CD248: variants seen among roughly 807,000 people sequenced by gnomAD.
CD248 encodes CD248 molecule.
CD248 carries 7 observed loss-of-function variants against 8.0 expected under a neutral mutation model. That is an observed-to-expected ratio of 0.88 (90% confidence interval 0.50 to 1.64). The LOEUF (loss-of-function observed/expected upper bound fraction) is 1.64, where lower values mean the gene tolerates loss of function less well. Among genes scored for constraint, CD248 ranks in the 40% most tolerant of loss-of-function variants. CD248 has a pLI of 0.00. For synonymous variants in CD248, 418 were observed against 437.1 expected (o/e 0.96, Z 0.54); for missense variants, 912 against 1,027.2 (o/e 0.89, Z 1.53).
Position 66,315,735 on chromosome 11 carries a change from G to C in CD248, c.1293C>G (p.Pro431=), listed in dbSNP as rs1359954574. 6.2e-7 allele frequency: 1 copy of C among 1,610,954 alleles called. No homozygotes were observed. The highest frequency in any genetic ancestry group is 1.7e-5 in the Admixed American group (1 of 59,932). ...QIPYPEPTWP[P]PLSAPRVPYH... ...AGGGGACCCTGGGGGCACTGAGCGG[G>C]GGTGGCCAGGTGGGCTCCGGGTAGG... The change falls in exon 1 of 1, where the codon CCC becomes CCG. Residue 431 remains proline, a synonymous_variant. Transcript: ENST00000311330. The surrounding 1 kb of genome is among the most constrained non-coding windows in gnomAD (Gnocchi z 4.3).
At position 66,316,721 on chromosome 11, in the gene CD248, A is replaced by G; in HGVS notation, c.307T>C (p.Phe103Leu). Residue 103 changes from phenylalanine to leucine, a missense_variant, in exon 1 of 1, where the codon TTC becomes CTC. Coordinates refer to ENST00000311330, the MANE Select transcript of CD248 (RefSeq NM_020404.3). Reference sequence around the variant, plus strand: ...TCCTGGTCCCCTGTGGTCCACGTGAAGCCGCGCAGTGGGCGCTGCAGCTGG... The same window carrying G: ...TCCTGGTCCCCTGTGGTCCACGTGAGGCCGCGCAGTGGGCGCTGCAGCTGG... ...QCQLQRPLRG[F>L]TWTTGDQDTA... is the part of the protein sequence containing the mutation. The G allele has an allele frequency of 1.2e-6, 2 of 1,605,448 alleles. No homozygotes were observed. The highest frequency in any genetic ancestry group is 2.7e-5 in the African/African-American group (2 of 74,986).
Position 66,315,521 on chromosome 11 carries a change from CAG to C in CD248, c.1505_1506del (p.Ser502CysfsTer51), listed in dbSNP as rs1353458855. The C allele has an allele frequency of 6.2e-7, 1 of 1,613,916 alleles. No individual in the cohort carries two copies. The highest frequency in any genetic ancestry group is 1.1e-5 in the South Asian group (1 of 91,068). The part of the protein sequence containing the change: ...LPSAYQPGIL[S>X]VSHSAQPPAH... ...GCAGGAGGCTGTGCTGAATGAGAGA[CAG>C]AGAGAATACCGGGTTGGTAGGCAGA... On this transcript the variant is annotated frameshift_variant, in exon 1 of 1. Transcript: ENST00000311330. LOFTEE classifies it low-confidence loss of function (END_TRUNC). This position sits in a 1 kb window ranked among gnomAD's most constrained non-coding sequence, Gnocchi z 4.3.
In CD248 at chr11:66,316,869, C is replaced by G. The variant is rs749572714; in HGVS notation, c.159G>C (p.Glu53Asp). 4.7e-5 allele frequency: 72 copies of G among 1,547,028 alleles called. No individual in the cohort carries two copies. The African/African-American group carries it at 9.2e-4, about 20-fold the overall frequency. ...TFLEAWRACR[E>D]LGGDLATPRT... ...GAGGAGTGGCCAGGTCGCCCCCCAG[C>G]TCGCGGCAGGCCCGCCAGGCCTCCA... The change falls in exon 1 of 1, where the codon GAG (glutamate) becomes GAC (aspartate). Residue 53 changes from glutamate (E) to aspartate (D), a missense_variant. Transcript: ENST00000311330.
chr11:66,315,401 T>C lies in CD248; in HGVS notation c.1627A>G (p.Thr543Ala). Residue 543 changes from threonine to alanine, a missense_variant, in exon 1 of 1, where the codon ACC (threonine) becomes GCC (alanine). Physicochemically the swap from Thr to Ala is moderately conservative, Grantham distance 58 (BLOSUM62 0). Coordinates refer to ENST00000311330, the MANE Select transcript of CD248 (RefSeq NM_020404.3). The surrounding 1 kb of genome is among the most constrained non-coding windows in gnomAD (Gnocchi z 4.3). ...GGGATTCCAGGCAAATGAGTGGTGG[T>C]CTGGGTGCCAGCGACCCGGGTGTCT... The part of the protein sequence containing the change: ...FPDTRVAGTQ[T>A]TTHLPGIPPN... The C allele has an allele frequency of 1.2e-6, 2 of 1,611,688 alleles. No individual in the cohort carries two copies. Among genetic ancestry groups the C allele is most frequent in the Non-Finnish European group, 1.7e-6 (2 of 1,178,626 alleles).
In CD248 at chr11:66,315,747, G is replaced by A. The variant is rs773720445; in HGVS notation, c.1281C>T (p.Pro427=). ...DREPQIPYPE[P]TWPPPLSAPR... Reference sequence around the variant, plus strand: ...GGGCACTGAGCGGGGGTGGCCAGGTGGGCTCCGGGTAGGGTATCTGTGGCT... The same window carrying A: ...GGGCACTGAGCGGGGGTGGCCAGGTAGGCTCCGGGTAGGGTATCTGTGGCT... Residue 427 remains proline, a synonymous_variant, in exon 1 of 1, where the codon CCC becomes CCT. Coordinates refer to ENST00000311330, the MANE Select transcript of CD248 (RefSeq NM_020404.3). This position sits in a 1 kb window ranked among gnomAD's most constrained non-coding sequence, Gnocchi z 4.3. 5 of 1,610,872 alleles carry A rather than the reference G, an allele frequency of 3.1e-6. No homozygotes were observed. The highest frequency in any genetic ancestry group is 2.2e-5 in the East Asian group (1 of 44,820).
rs912506291 is a variant in CD248, at chr11:66,316,755, G to C, written c.273C>G (p.Ala91=). The C allele has an allele frequency of 6.2e-7, 1 of 1,600,400 alleles. No homozygotes were observed. The highest frequency in any genetic ancestry group is 8.5e-7 in the Non-Finnish European group (1 of 1,179,020). Residue 91 remains alanine, a synonymous_variant, in exon 1 of 1, where the codon GCC becomes GCG. Transcript: ENST00000311330. ...GTGGGCGCTGCAGCTGGCATTGCCGGGCCTGCCGCTGCAGCCCGATCCACA... is the reference window on the plus strand; with the variant it reads ...GTGGGCGCTGCAGCTGGCATTGCCGCGCCTGCCGCTGCAGCCCGATCCACA... The part of the protein sequence containing the change: ...RLLWIGLQRQ[A]RQCQLQRPLR...
chr11:66,316,374 C>T lies in CD248; in HGVS notation c.654G>A (p.Glu218=). The change falls in exon 1 of 1, where the codon GAG becomes GAA. Residue 218 remains glutamate (E), a synonymous_variant. Transcript: ENST00000311330. Reference sequence around the variant, plus strand: ...CAGCCCGTGACCAGCCCACACCTCCCTCAGGCTGCTTCACGCAGAGCAGAG... The same window carrying T: ...CAGCCCGTGACCAGCCCACACCTCCTTCAGGCTGCTTCACGCAGAGCAGAG... ...GASLLCVKQP[E]GGVGWSRAGP... 1.2e-6 allele frequency: 2 copies of T among 1,611,358 alleles called. No individual in the cohort carries two copies. Among genetic ancestry groups the T allele is most frequent in the Non-Finnish European group, 1.7e-6 (2 of 1,179,914 alleles).
rs984825044 is a variant in CD248, at chr11:66,315,410, C to G, written c.1618G>C (p.Gly540Arg). The change falls in exon 1 of 1, where the codon GGC becomes CGC. Residue 540 changes from glycine to arginine, a missense_variant. By Grantham distance (125) the Gly-to-Arg change is moderately radical (BLOSUM62 -2). Transcript: ENST00000311330. The surrounding 1 kb of genome is among the most constrained non-coding windows in gnomAD (Gnocchi z 4.3). ...SPMFPDTRVA[G>R]TQTTTHLPGI... Reference sequence around the variant, plus strand: ...GGCAAATGAGTGGTGGTCTGGGTGCCAGCGACCCGGGTGTCTGGAAACATG... The same window carrying G: ...GGCAAATGAGTGGTGGTCTGGGTGCGAGCGACCCGGGTGTCTGGAAACATG... 3.7e-6 allele frequency: 6 copies of G among 1,612,222 alleles called. No individual in the cohort carries two copies. Among genetic ancestry groups the G allele is most frequent in the Non-Finnish European group, 5.1e-6 (6 of 1,178,944 alleles).
Position 66,314,534 on chromosome 11 carries a change from C to T in CD248, c.*220G>A, listed in dbSNP as rs1012821685. 5.9e-5 allele frequency: 31 copies of T among 525,454 alleles called. No homozygotes were observed. The highest frequency in any genetic ancestry group is 2.8e-4 in the Admixed American group (9 of 32,548). The allele number at this position is 525,454 out of a possible 1,614,324, so 32.5% of individuals were successfully genotyped here. ...ATTTATTGGAGAAGACCCCAGCACC[C>T]GCCCCCTGAGGTCTTAAGGGCTTTG... is the stretch of plus-strand genomic sequence containing the variant. On this transcript the variant is annotated 3_prime_UTR_variant, in exon 1 of 1. Transcript: ENST00000311330. This position sits in a 1 kb window ranked among gnomAD's most constrained non-coding sequence, Gnocchi z 4.0.
At position 66,315,917 on chromosome 11, in the gene CD248, C is replaced by T; in HGVS notation, c.1111G>A (p.Asp371Asn). The T allele has an allele frequency of 6.2e-7, 1 of 1,613,534 alleles. No homozygotes were observed. The highest frequency in any genetic ancestry group is 8.5e-7 in the Non-Finnish European group (1 of 1,180,018). Residue 371 changes from aspartate to asparagine, a missense_variant, in exon 1 of 1, where the codon GAC (aspartate) becomes AAC (asparagine). Coordinates refer to ENST00000311330, the MANE Select transcript of CD248 (RefSeq NM_020404.3). This position sits in a 1 kb window ranked among gnomAD's most constrained non-coding sequence, Gnocchi z 4.3. Reference protein sequence around the residue: ...SQDLGDELLDDGEDEEDEDEA... With the variant: ...SQDLGDELLDNGEDEEDEDEA... ...TCTTCATCTTCCTCATCCTCCCCGT[C>T]ATCCAGCAACTCATCTCCGAGGTCC...
chr11:66,316,504 C>T lies in CD248; in HGVS notation c.524G>A (p.Gly175Asp), dbSNP rs1262992200. 1.9e-6 allele frequency: 3 copies of T among 1,595,012 alleles called. No homozygotes were observed. Among genetic ancestry groups the T allele is most frequent in the Non-Finnish European group, 1.7e-6 (2 of 1,178,008 alleles). Residue 175 changes from glycine (G) to aspartate (D), a missense_variant, in exon 1 of 1, where the codon GGC becomes GAC. Transcript: ENST00000311330. ...PALQDEAGQA[G>D]PAVYTTPFHL... is the part of the protein sequence containing the mutation. The stretch of plus-strand genomic sequence containing the variant: ...GAAGGGCGTGGTATACACGGCTGGG[C>T]CGGCCTGGCCCGCCTCATCTTGCAG...
Position 66,315,404 on chromosome 11 carries a change from G to A in CD248, c.1624C>T (p.Gln542Ter). ...ATTCCAGGCAAATGAGTGGTGGTCT[G>A]GGTGCCAGCGACCCGGGTGTCTGGA... ...MFPDTRVAGT[Q>*]TTTHLPGIPP... The change falls in exon 1 of 1, where the codon CAG (glutamine) becomes TAG (stop). Residue 542 changes from glutamine to a stop codon, truncating the protein, a stop_gained. Transcript: ENST00000311330. LOFTEE classifies it low-confidence loss of function (END_TRUNC). The surrounding 1 kb of genome is among the most constrained non-coding windows in gnomAD (Gnocchi z 4.3). 1 of 1,612,496 alleles carries A rather than the reference G, an allele frequency of 6.2e-7. No individual in the cohort carries two copies. The highest frequency in any genetic ancestry group is 8.5e-7 in the Non-Finnish European group (1 of 1,178,924).
chr11:66,314,545 G>A lies in CD248; in HGVS notation c.*209C>T, dbSNP rs1854520222. ...AAGACCCCAGCACCCGCCCCCTGAG[G>A]TCTTAAGGGCTTTGGTGTATCCTTG... On this transcript the variant is annotated 3_prime_UTR_variant, in exon 1 of 1. Transcript: ENST00000311330. The surrounding 1 kb of genome is among the most constrained non-coding windows in gnomAD (Gnocchi z 4.0). The A allele has an allele frequency of 3.6e-6, 2 of 552,466 alleles. No individual in the cohort carries two copies. Among genetic ancestry groups the A allele is most frequent in the African/African-American group, 3.7e-5 (2 of 53,408 alleles). 34.2% of individuals were successfully genotyped at this position (552,466 alleles called of 1,614,324 possible).
Position 66,316,979 on chromosome 11 carries a change from C to T in CD248, c.49G>A (p.Gly17Ser). ...LAWAAAGPTL[G>S]QDPWAAEPRA... ...GGCTCAGCAGCCCAGGGGTCCTGGC[C>T]CAGTGTGGGCCCTGCGGCCGCCCAG... The change falls in exon 1 of 1, where the codon GGC (glycine) becomes AGC (serine). Residue 17 changes from glycine to serine, a missense_variant. Gly to Ser is a moderately conservative substitution (Grantham distance 56, BLOSUM62 0). Coordinates refer to ENST00000311330, the MANE Select transcript of CD248 (RefSeq NM_020404.3). 2.6e-6 allele frequency: 4 copies of T among 1,509,684 alleles called. No individual in the cohort carries two copies. The highest frequency in any genetic ancestry group is 1.4e-5 in the African/African-American group (1 of 69,552). 93.5% of individuals were successfully genotyped at this position (1,509,684 alleles called of 1,614,324 possible).
rs759387574 is a variant in CD248, at chr11:66,316,786, C to T, written c.242G>A (p.Arg81Gln). The T allele has an allele frequency of 8.8e-6, 14 of 1,594,560 alleles. No homozygotes were observed. Among genetic ancestry groups the T allele is most frequent in the South Asian group, 6.6e-5 (6 of 90,666 alleles). Residue 81 changes from arginine (R) to glutamine (Q), a missense_variant, in exon 1 of 1, where the codon CGG (arginine) becomes CAG (glutamine). Transcript: ENST00000311330. ...DSLVGAGPAS[R>Q]LLWIGLQRQA... ...CCGCTGCAGCCCGATCCACAGCAGC[C>T]GGCTGGCTGGGCCCGCACCCACCAG...
Position 66,315,203 on chromosome 11 carries a change from G to T in CD248, c.1825C>A (p.Pro609Thr). Residue 609 changes from proline to threonine, a missense_variant, in exon 1 of 1, where the codon CCT (proline) becomes ACT (threonine). Pro to Thr is a conservative substitution (Grantham distance 38). Around this residue, in one of 3 missense-constraint regions of CD248, gnomAD observed 507 missense variants for 562.2 expected, o/e 0.90. Transcript: ENST00000311330. The surrounding 1 kb of genome is among the most constrained non-coding windows in gnomAD (Gnocchi z 4.3). ...AGGGCTGCGGGCTGGGTGGCAGCAG[G>T]CACAGAGATTTGATGGGCAGGAGAC... ...PVSPAHQISVPAATQPAALPT... is the reference protein window; with the variant it reads ...PVSPAHQISVTAATQPAALPT... 1.3e-6 allele frequency: 2 copies of T among 1,528,980 alleles called. No individual in the cohort carries two copies. The highest frequency in any genetic ancestry group is 2.6e-5 in the South Asian group (2 of 76,546). The allele number at this position is 1,528,980 out of a possible 1,614,324, so 94.7% of individuals were successfully genotyped here.
rs1429349515 is a variant in CD248 at position 66,315,332 on chromosome 11, G to A, written c.1696C>T (p.Pro566Ser). The change falls in exon 1 of 1, where the codon CCC becomes TCC. Residue 566 changes from proline (P) to serine (S), a missense_variant. This residue lies in a region of CD248 where 507 missense variants were observed against 562.2 expected (regional missense o/e 0.90). Coordinates refer to ENST00000311330, the MANE Select transcript of CD248 (RefSeq NM_020404.3). The surrounding 1 kb of genome is among the most constrained non-coding windows in gnomAD (Gnocchi z 4.3). ...PLVTTLGAQL[P>S]PQAPDALVLR... ...ACAAGGGCATCTGGGGCTTGAGGGG[G>A]TAGCTGGGCACCGAGGGTGGTGACC... 2.7e-5 allele frequency: 42 copies of A among 1,574,954 alleles called. No homozygotes were observed. The highest frequency in any genetic ancestry group is 3.5e-5 in the Non-Finnish European group (41 of 1,158,206).
chr11:66,315,028 G>A lies in CD248; in HGVS notation c.2000C>T (p.Ala667Val), dbSNP rs1375810426. Residue 667 changes from alanine to valine, a missense_variant, in exon 1 of 1, where the codon GCC (alanine) becomes GTC (valine). Physicochemically the swap from Ala to Val is moderately conservative, Grantham distance 64. Transcript: ENST00000311330. The surrounding 1 kb of genome is among the most constrained non-coding windows in gnomAD (Gnocchi z 4.3). ...ACCAGCCTCCCCCAGGGCTGTTGGG[G>A]CTGCTGTGGGAGCTGGTGAGGGCAG... ...LWLPSPAPTA[A>V]PTALGEAGLA... 8.8e-6 allele frequency: 14 copies of A among 1,599,128 alleles called. No homozygotes were observed. In the South Asian group the frequency reaches 1.3e-4, roughly 15 times the overall value.
chr11:66,316,364 C>G lies in CD248; in HGVS notation c.664G>C (p.Gly222Arg), dbSNP rs370925446. The part of the protein sequence containing the change: ...LCVKQPEGGV[G>R]WSRAGPLCLG... ...CACAGGGGCCCAGCCCGTGACCAGC[C>G]CACACCTCCCTCAGGCTGCTTCACG... Residue 222 changes from glycine (G) to arginine (R), a missense_variant, in exon 1 of 1, where the codon GGC becomes CGC. Around this residue, in one of 3 missense-constraint regions of CD248, gnomAD observed 403 missense variants for 446.2 expected, o/e 0.90. Transcript: ENST00000311330. 6.2e-7 allele frequency: 1 copy of G among 1,612,108 alleles called. No individual in the cohort carries two copies. Among genetic ancestry groups the G allele is most frequent in the East Asian group, 2.2e-5 (1 of 44,884 alleles).
Sources: allele counts gnomAD v4.1 joint callset, GRCh38; gene constraint gnomAD v4.1.1; regional missense constraint gnomAD v4.1.1; non-coding constraint Gnocchi (gnomAD v3.1); transcripts MANE v1.5; gene names NCBI Gene and HGNC (gene_info 2026-07-23, HGNC 2026-07-21).